INO80: variants seen among roughly 807,000 people sequenced by gnomAD.
The protein encoded by INO80 is chromatin-remodeling ATPase INO80.
A neutral mutation model predicts 203.4 loss-of-function variants in INO80; 20 were observed. That is an observed-to-expected ratio of 0.10 (90% confidence interval 0.07 to 0.14). INO80 has a LOEUF of 0.14. Ranked by LOEUF, INO80 falls within the 10% of genes least tolerant of loss-of-function variation. The probability of loss-of-function intolerance (pLI) is 1.00; values close to 1 mark genes in which losing one functional copy is unlikely to be tolerated. For synonymous variants in INO80, 726 were observed against 685.2 expected, an observed-to-expected ratio of 1.06 and a Z score of -0.93; for missense variants, 1,419 against 1,914.4, an observed-to-expected ratio of 0.74 and a Z score of 4.83.
chr15:41,031,962 GGACAGC>G (rs2044484701), intron 24 of INO80, among the ~76,000 whole-genome samples: 14 of 74,766 alleles, frequency 1.9e-4, no homozygotes, highest in African/African-American at 1.6e-4. Context: ...GCACAGCACA[GGACAGC>G]ACAGCACAGC....
chr15:41,016,242 G>A (rs770160409), intron 26 of INO80, 27 bp from the exon 27 acceptor site: 2 of 1,608,552 alleles, frequency 1.2e-6, no homozygotes, highest in Admixed American at 1.7e-5. Context: ...GGGGTGAGGG[G>A]GAACTGTATT....
rs200793495 is a variant in INO80, at chr15:41,019,914, T to C, written c.3274+986A>G. Among the ~76,000 whole-genome samples, 525 of 152,322 alleles carry C rather than the reference T, an allele frequency of 3.4e-3. 4 individuals are homozygous for C. The highest frequency in any genetic ancestry group is 5.5e-3 in the Admixed American group (84 of 15,302). ...ATGCTTAGCTCTAGTTTATTTCCAT[T>C]ACATGCCAGTAAAAGGGATATAGTT... On this transcript the variant is annotated intron_variant, in intron 26 of 35. Coordinates refer to ENST00000648947, the MANE Select transcript of INO80 (RefSeq NM_017553.3).
At position 41,058,627 on chromosome 15, in the gene INO80, T is replaced by C. The variant is rs1409765818; in HGVS notation, c.1985+12A>G. The C allele has an allele frequency of 1.2e-6, 2 of 1,611,446 alleles. No homozygotes were observed. Among genetic ancestry groups the C allele is most frequent in the Non-Finnish European group, 1.7e-6 (2 of 1,178,506 alleles). On this transcript the variant is annotated intron_variant, in intron 16 of 35. Transcript: ENST00000648947. ...CCAATGCATTGAGTTTGGTTTCTAC[T>C]ACTCATGTTACCTGGAACTACTCTT... is the stretch of plus-strand genomic sequence containing the variant.
intron 23 of INO80, 142 bp downstream of exon 23, chr15:41,047,266 A>G (rs1000087108): frequency 1.5e-6 from 1 of 670,290 alleles, no homozygotes; most frequent in Non-Finnish European, 2.5e-6. Context: ...TGCCCAGCCT[A>G]CAAACTTTAT....
intron 24 of INO80, among the ~76,000 whole-genome samples, chr15:41,041,834 CTTTT>C (rs35077430): frequency 6.5e-5 from 8 of 123,716 alleles, no homozygotes; most frequent in Admixed American, 9.1e-5. Context: ...GAAAGATTTC[CTTTT>C]TTTTTTTTTT....
rs1323102573 is a variant in INO80, at chr15:40,979,692, G to T, written c.*531C>A. The T allele has an allele frequency of 6.1e-6, 1 of 163,272 alleles. No individual in the cohort carries two copies. Among genetic ancestry groups the T allele is most frequent in the African/African-American group, 2.4e-5 (1 of 41,574 alleles). 10.1% of individuals were successfully genotyped at this position (163,272 alleles called of 1,614,324 possible). A position where few individuals can be genotyped will look rare whatever the true frequency, so the allele number is the denominator to read the frequency against. ...TTAGCGGCCTCCACCATCTCTCGCA[G>T]TCACTGCTCTCTCCAATGATGACAC... On this transcript the variant is annotated 3_prime_UTR_variant, in exon 36 of 36. Coordinates refer to ENST00000648947, the MANE Select transcript of INO80 (RefSeq NM_017553.3).
At chr15:41,078,255 T>C (rs1043803261) in intron 9 of INO80, among the ~76,000 whole-genome samples, 5 of 151,982 alleles carry the variant, frequency 3.3e-5, no homozygotes, top group Non-Finnish European at 7.4e-5. Context: ...ATGAACGAAG[T>C]AGATTAAGAA....
At chr15:40,980,654 C>T (rs1422357367) in intron 35 of INO80, among the ~76,000 whole-genome samples, 5 of 152,112 alleles carry the variant, frequency 3.3e-5, no homozygotes, top group Admixed American at 1.3e-4. Flanking sequence ...GAAAATGATA[C>T]CTACCCAACC....
At chr15:41,081,175 G>A (rs2045478837) in intron 7 of INO80, 102 bp from the exon 8 acceptor site, 1 of 731,138 alleles carries the variant, frequency 1.4e-6, no homozygotes, top group Non-Finnish European at 2.3e-6. Flanking sequence ...GTTAGAAAAT[G>A]TCAAGCCAAG....
chr15:41,111,864 T>C (rs1177295100), intron 1 of INO80, among the ~76,000 whole-genome samples: 3 of 150,362 alleles, frequency 2.0e-5, no homozygotes, highest in East Asian at 3.9e-4. Flanking sequence ...CCCAACAGAA[T>C]AGGTGTCTTC....
At chr15:41,071,531 C>T (rs1049174418) in intron 12 of INO80, among the ~76,000 whole-genome samples, 2 of 150,582 alleles carry the variant, frequency 1.3e-5, no homozygotes, top group Non-Finnish European at 3.0e-5. Flanking sequence ...CTTAGCTCAC[C>T]GCAATCTCCG....
In INO80 at chr15:40,997,745, G is replaced by A; in HGVS notation, c.3498-144C>T. On this transcript the variant is annotated intron_variant, in intron 28 of 35. Transcript: ENST00000648947. ...GTTACCTAGGCCTGACTGTATTTCT[G>A]TAAAGCATTATACAATGTTGCTCTG... 3 of 596,116 alleles carry A rather than the reference G, an allele frequency of 5.0e-6. No individual in the cohort carries two copies. In the South Asian group the frequency reaches 5.4e-5, roughly 11 times the overall value. The allele number at this position is 596,116 out of a possible 1,614,324, so 36.9% of individuals were successfully genotyped here. A position where few individuals can be genotyped will look rare whatever the true frequency, so the allele number is the denominator to read the frequency against.
intron 28 of INO80, among the ~76,000 whole-genome samples, chr15:41,003,874 T>C (rs987602051): frequency 4.6e-5 from 7 of 152,166 alleles, no homozygotes; most frequent in African/African-American, 1.7e-4. Flanking sequence ...ATCACAGATA[T>C]ACTGGCATGA....
chr15:41,069,735 T>A, intron 13 of INO80, 70 bp from the exon 14 acceptor site: 1 of 846,544 alleles, frequency 1.2e-6, no homozygotes, highest in Non-Finnish European at 1.9e-6. Context: ...TTATAATTAA[T>A]GACAAGAACA....
chr15:41,044,956 C>A lies in INO80; in HGVS notation c.2855G>T (p.Gly952Val). ...RYLRNKDFLL[G>V]VNFPLSFPNL... ...TGGAAAGGAGAGTGGAAAATTAACC[C>A]CAAGAAGGAAATCCTTGTTCCTCAG... Residue 952 changes from glycine (G) to valine (V), a missense_variant, in exon 24 of 36, where the codon GGG becomes GTG. Physicochemically the swap from Gly to Val is moderately radical, Grantham distance 109. Transcript: ENST00000648947. 2 of 1,613,878 alleles carry A rather than the reference C, an allele frequency of 1.2e-6. No individual in the cohort carries two copies. The highest frequency in any genetic ancestry group is 1.7e-6 in the Non-Finnish European group (2 of 1,179,960).
chr15:41,051,702 C>T (rs2044873811), intron 19 of INO80, among the ~76,000 whole-genome samples: 1 of 152,032 alleles, frequency 6.6e-6, no homozygotes, highest in Non-Finnish European at 1.5e-5. Flanking sequence ...TGCCTATAAT[C>T]CCAGCACTTT....
chr15:41,055,779 T>A (rs776742187), intron 17 of INO80, among the ~76,000 whole-genome samples: 2 of 152,188 alleles, frequency 1.3e-5, no homozygotes, highest in Non-Finnish European at 2.9e-5. Context: ...TACCACTATT[T>A]TAAATCAAGT....
chr15:40,999,356 G>A (rs1284787294), intron 28 of INO80: 1 of 152,220 alleles, frequency 6.6e-6, no homozygotes, highest in African/African-American at 2.4e-5. Flanking sequence ...TACTGCTGAA[G>A]TGACTAACTG....
At chr15:41,010,002 G>T (rs142547910) in intron 27 of INO80, among the ~76,000 whole-genome samples, 260 of 151,310 alleles carry the variant, frequency 1.7e-3, no homozygotes, top group Non-Finnish European at 2.7e-3. Context: ...TATCCTGACT[G>T]ATAAAGAGTG....
Sources: allele counts gnomAD v4.1 joint callset (sites outside exome capture counted in the v4.1 genomes callset), GRCh38; gene constraint gnomAD v4.1.1; transcripts MANE v1.5; gene names NCBI Gene and HGNC (gene_info 2026-07-23, HGNC 2026-07-21).